The following YPEL2 variants were observed in gnomAD, a reference collection of about 807,000 sequenced individuals.
The protein encoded by YPEL2 is yippee like 2.
YPEL2 carries 2 observed loss-of-function variants against 19.1 expected under a neutral mutation model. The ratio of observed to expected loss-of-function variants is 0.10; its 90% CI spans 0.04 to 0.33. The LOEUF (loss-of-function observed/expected upper bound fraction) is 0.33. Ranked by LOEUF, YPEL2 falls within the 10% of genes least tolerant of loss-of-function variation. YPEL2 has a pLI of 1.00. For missense variants in YPEL2, 66 were observed against 140.7 expected (o/e 0.47, Z 2.68); for synonymous variants, 52 against 50.0 (o/e 1.04, Z -0.17).
intron 2 of YPEL2, among the ~76,000 whole-genome samples, chr17:59,365,654 T>C (rs1050534294): frequency 6.6e-6 from 1 of 152,168 alleles, no homozygotes; most frequent in Admixed American, 6.5e-5. Flanking sequence ...CTGATAACCT[T>C]TGTTTCCAAA....
At chr17:59,333,957 C>T (rs940360819) in intron 1 of YPEL2, among the ~76,000 whole-genome samples, 1 of 152,066 alleles carries the variant, frequency 6.6e-6, no homozygotes, top group Admixed American at 6.6e-5. Flanking sequence ...GGTATGTGAC[C>T]CCATACTCTG....
chr17:59,388,201 C>A, intron 2 of YPEL2, 126 bp from the exon 3 acceptor site: 2 of 909,474 alleles, frequency 2.2e-6, no homozygotes, highest in Non-Finnish European at 3.7e-6. Context: ...GGACCGTTAA[C>A]TGGCTCAGTA....
At chr17:59,339,858 C>G (rs1487712662) in intron 1 of YPEL2, among the ~76,000 whole-genome samples, 1 of 152,082 alleles carries the variant, frequency 6.6e-6, no homozygotes, top group African/African-American at 2.4e-5. Flanking sequence ...AGACGCATAA[C>G]AGGGAATTAA....
At chr17:59,375,244 A>G (rs1355694659) in intron 2 of YPEL2, among the ~76,000 whole-genome samples, 3 of 152,136 alleles carry the variant, frequency 2.0e-5, no homozygotes, top group African/African-American at 4.8e-5. Flanking sequence ...AAAACTGGAT[A>G]AAGTCATGTA....
At chr17:59,370,069 C>T (rs1366491330) in intron 2 of YPEL2, among the ~76,000 whole-genome samples, 4 of 151,958 alleles carry the variant, frequency 2.6e-5, no homozygotes, top group African/African-American at 7.2e-5. Context: ...TTCTTTTTTT[C>T]TTTTTGAGAC....
chr17:59,377,106 T>G (rs1304258237), intron 2 of YPEL2, among the ~76,000 whole-genome samples: 1 of 151,908 alleles, frequency 6.6e-6, no homozygotes, highest in Non-Finnish European at 1.5e-5. Context: ...ACTTTGGGAG[T>G]CGGTAGGTTT....
intron 4 of YPEL2, among the ~76,000 whole-genome samples, chr17:59,392,714 A>G (rs1050823975): frequency 1.3e-5 from 2 of 151,910 alleles, no homozygotes; most frequent in African/African-American, 4.8e-5. Flanking sequence ...GGGTTTCACC[A>G]TGTTGGTCAG....
chr17:59,393,302 ATT>A (rs149834838), intron 4 of YPEL2, among the ~76,000 whole-genome samples: 39,177 of 135,116 alleles, frequency 0.29, 5,892 homozygotes, highest in Middle Eastern at 0.41. Context: ...TGATTTTTGT[ATT>A]TTTTTTTTTT....
In YPEL2 at chr17:59,399,033, T is replaced by C. The variant is rs1314515693; in HGVS notation, c.*1843T>C. ...TTCCCCAAGGCTTCTTGTCCAGATC[T>C]TTCCAGTGCTTTCATAGCCCTGGGA... On this transcript the variant is annotated 3_prime_UTR_variant, in exon 5 of 5. Transcript: ENST00000312655. 6.6e-6 allele frequency: 1 copy of C among 152,418 alleles called. No homozygotes were observed. Among genetic ancestry groups the C allele is most frequent in the Non-Finnish European group, 1.5e-5 (1 of 68,034 alleles). The allele number at this position is 152,418 out of a possible 1,614,324, so 9.4% of individuals were successfully genotyped here.
At chr17:59,347,393 T>C (rs1443382993) in intron 1 of YPEL2, among the ~76,000 whole-genome samples, 12 of 152,174 alleles carry the variant, frequency 7.9e-5, no homozygotes, top group Non-Finnish European at 4.4e-5. Context: ...TCCCGAAGTG[T>C]TGGGATTACC....
intron 2 of YPEL2, among the ~76,000 whole-genome samples, chr17:59,364,087 T>G (rs959107039): frequency 6.6e-6 from 1 of 152,230 alleles, no homozygotes; most frequent in Non-Finnish European, 1.5e-5. Flanking sequence ...TGTGTTGTTA[T>G]GGTTGCGTGC....
Position 59,353,360 on chromosome 17 carries a change from G to GGAGT in YPEL2, c.-48_-45dup. On this transcript the variant is annotated 5_prime_UTR_variant, in exon 2 of 5. Coordinates refer to ENST00000312655, the MANE Select transcript of YPEL2 (RefSeq NM_001005404.4). The surrounding 1 kb of genome is among the most constrained non-coding windows in gnomAD (Gnocchi z 4.8). The stretch of plus-strand genomic sequence containing the variant: ...TGTTTCCCGTGCGACCCATCCTGTG[G>GGAGT]GAGTGCCTCGTGGGCTGCCCCAGAG... 7.3e-7 allele frequency: 1 copy of GGAGT among 1,377,948 alleles called. No homozygotes were observed. The highest frequency in any genetic ancestry group is 1.4e-5 in the African/African-American group (1 of 69,640). 85.4% of individuals were successfully genotyped at this position (1,377,948 alleles called of 1,614,324 possible). A position where few individuals can be genotyped will look rare whatever the true frequency, so the allele number is the denominator to read the frequency against.
Position 59,397,202 on chromosome 17 carries a change from C to G in YPEL2, c.*12C>G. On this transcript the variant is annotated 3_prime_UTR_variant, in exon 5 of 5. Transcript: ENST00000312655. ...ATGGCTGGGACTGATTGGACAGCATCTACCCAACCCAGTGTCCACGTGAAC... is the reference window on the plus strand; with the variant it reads ...ATGGCTGGGACTGATTGGACAGCATGTACCCAACCCAGTGTCCACGTGAAC... 6.3e-7 allele frequency: 1 copy of G among 1,584,732 alleles called. No homozygotes were observed. Among genetic ancestry groups the G allele is most frequent in the Non-Finnish European group, 8.6e-7 (1 of 1,165,264 alleles).
intron 1 of YPEL2, among the ~76,000 whole-genome samples, chr17:59,346,916 G>T (rs114534842): frequency 2.4e-4 from 36 of 152,134 alleles, no homozygotes; most frequent in Admixed American, 2.4e-3. Flanking sequence ...CAAGCGTGGT[G>T]TACTGAGGGG....
intron 2 of YPEL2, among the ~76,000 whole-genome samples, chr17:59,368,969 C>T (rs915855663): frequency 6.6e-6 from 1 of 152,050 alleles, no homozygotes; most frequent in Non-Finnish European, 1.5e-5. Context: ...CTTGGTGGTG[C>T]CTTCAGCTAA....
chr17:59,389,247 GT>G (rs1416846396), intron 3 of YPEL2, 112 bp from the exon 4 acceptor site: 9 of 880,690 alleles, frequency 1.0e-5, no homozygotes, highest in Non-Finnish European at 1.6e-5. Flanking sequence ...TCAGCTCAGG[GT>G]TGGCTCCCCT....
At chr17:59,368,309 C>G (rs1472187631) in intron 2 of YPEL2, among the ~76,000 whole-genome samples, 1 of 152,138 alleles carries the variant, frequency 6.6e-6, no homozygotes, top group African/African-American at 2.4e-5. Flanking sequence ...GTCTAAAATT[C>G]CTGGGCTCAA....
intron 2 of YPEL2, among the ~76,000 whole-genome samples, chr17:59,364,812 G>A (rs1310421506): frequency 6.6e-6 from 1 of 151,894 alleles, no homozygotes; most frequent in African/African-American, 2.4e-5. Flanking sequence ...TTCATTTTTT[G>A]TAGAAGATGG....
chr17:59,339,607 T>TTGA (rs1797153565), intron 1 of YPEL2, among the ~76,000 whole-genome samples: 2 of 152,178 alleles, frequency 1.3e-5, no homozygotes, highest in South Asian at 4.1e-4. Context: ...CCCATTCTGC[T>TTGA]TGAAGCTCTG....
Sources: gnomAD v4.1 joint callset for allele counts (sites outside exome capture counted in the v4.1 genomes callset) on GRCh38, gnomAD v4.1.1 for gene constraint, Gnocchi (gnomAD v3.1) non-coding constraint, MANE v1.5 for transcripts, NCBI Gene and HGNC (gene_info 2026-07-23, HGNC 2026-07-21) for gene names.